The following NCK1 variants were observed in gnomAD, a reference collection of about 807,000 sequenced individuals.
NCK1 encodes the protein NCK adaptor protein 1, also known as SH2/SH3 adapter protein NCK1.
NCK1 carries 19 observed loss-of-function variants against 36.6 expected under a neutral mutation model. The ratio of observed to expected loss-of-function variants is 0.52; its 90% confidence interval spans 0.36 to 0.76. The LOEUF is 0.76. Ranked by LOEUF, NCK1 falls within the 30% of genes least tolerant of loss-of-function variation. The pLI is 0.00. For missense variants in NCK1, 358 were observed against 445.6 expected (o/e 0.80, Z 1.77); for synonymous variants, 165 against 156.0 (o/e 1.06, Z -0.43).
chr3:136,946,457 C>T (rs551500008), intron 3 of NCK1, among the ~76,000 whole-genome samples, 162 bp downstream of exon 3: 1 of 152,142 alleles, frequency 6.6e-6, no homozygotes, highest in Non-Finnish European at 1.5e-5. Flanking sequence ...CGCATTCTTT[C>T]TAGCTATCTA....
chr3:136,879,989 T>TAAAAAA (rs891612999), intron 1 of NCK1, among the ~76,000 whole-genome samples: 4 of 119,520 alleles, frequency 3.3e-5, no homozygotes, highest in Admixed American at 1.9e-4. Context: ...TAAAGAATAT[T>TAAAAAA]AAAAAAAAAA....
At chr3:136,926,286 A>ATTT (rs1205652656) in intron 1 of NCK1, among the ~76,000 whole-genome samples, 2 of 150,838 alleles carry the variant, frequency 1.3e-5, no homozygotes, top group Non-Finnish European at 3.0e-5. Context: ...TATTATTATT[A>ATTT]TTTTTTGATA....
chr3:136,862,794 G>C (rs1340963115), intron 1 of NCK1, among the ~76,000 whole-genome samples: 1 of 152,220 alleles, frequency 6.6e-6, no homozygotes, highest in Non-Finnish European at 1.5e-5. Flanking sequence ...CCTCCAGCCC[G>C]AGAGGAGGGG....
At position 136,951,257 on chromosome 3, in the gene NCK1, A is replaced by C. The variant is rs1408064769; in HGVS notation, c.*2804A>C. On this transcript the variant is annotated 3_prime_UTR_variant, in exon 4 of 4. Coordinates refer to ENST00000481752, the MANE Select transcript of NCK1 (RefSeq NM_001291999.2). ...CAGTCTCTGTAGCACGTTTGTGAGA[A>C]TTCTCTAGGCAGGCCCAGCCCTTCT... Among the ~76,000 whole-genome samples the C allele has an allele frequency of 6.6e-6, 1 of 152,202 alleles. No homozygotes were observed. The highest frequency in any genetic ancestry group is 6.5e-5 in the Admixed American group (1 of 15,282).
chr3:136,881,381 G>A (rs1439605087), intron 1 of NCK1, among the ~76,000 whole-genome samples: 4 of 151,912 alleles, frequency 2.6e-5, no homozygotes, highest in South Asian at 4.2e-4. Context: ...CACTACGCCC[G>A]GCTAATTTTT....
chr3:136,863,090 G>A (rs1217181209), intron 1 of NCK1, among the ~76,000 whole-genome samples: 7 of 152,228 alleles, frequency 4.6e-5, no homozygotes, highest in African/African-American at 1.2e-4. Flanking sequence ...TCAGGGGTGA[G>A]GACGTAACCG....
intron 2 of NCK1, among the ~76,000 whole-genome samples, chr3:136,943,702 C>CATTCGA (rs1940735184): frequency 6.6e-6 from 1 of 152,104 alleles, no homozygotes; most frequent in Non-Finnish European, 1.5e-5. Context: ...GAGACAGAAA[C>CATTCGA]GAATAAGATC....
At chr3:136,942,722 T>TTA (rs1277011057) in intron 2 of NCK1, among the ~76,000 whole-genome samples, 2 of 152,200 alleles carry the variant, frequency 1.3e-5, no homozygotes, top group Non-Finnish European at 2.9e-5. Flanking sequence ...ACACCCCTTA[T>TTA]TACCCCATGT....
chr3:136,945,168 A>G (rs1940777764), intron 2 of NCK1, among the ~76,000 whole-genome samples: 1 of 152,230 alleles, frequency 6.6e-6, no homozygotes, highest in Non-Finnish European at 1.5e-5. Flanking sequence ...ATTTTTATAC[A>G]GCTCATTGTA....
chr3:136,895,689 C>T (rs573083554), intron 1 of NCK1, among the ~76,000 whole-genome samples: 7 of 152,128 alleles, frequency 4.6e-5, no homozygotes, highest in South Asian at 2.1e-4. Context: ...CACAGCCTCC[C>T]GGGTAGCTGG....
chr3:136,870,139 C>T lies in NCK1; in HGVS notation c.-19+7786C>T, dbSNP rs916529560. Among the ~76,000 whole-genome samples the T allele has an allele frequency of 8.2e-5, 12 of 146,202 alleles. No homozygotes were observed. The South Asian group carries it at 1.5e-3, about 18-fold the overall frequency. On this transcript the variant is annotated intron_variant, in intron 1 of 3. Coordinates refer to ENST00000481752, the MANE Select transcript of NCK1 (RefSeq NM_001291999.2). ...GGTGGATCGCTTGAGGTCAGGAGTTCGAGACCAGCCTGGCCAACATGGTGA... is the reference window on the plus strand; with the variant it reads ...GGTGGATCGCTTGAGGTCAGGAGTTTGAGACCAGCCTGGCCAACATGGTGA...
chr3:136,892,271 A>C (rs1939266523), intron 1 of NCK1, among the ~76,000 whole-genome samples: 1 of 152,106 alleles, frequency 6.6e-6, no homozygotes, highest in South Asian at 2.1e-4. Context: ...ATCAGATGTG[A>C]TTTCCAAATA....
intron 1 of NCK1, among the ~76,000 whole-genome samples, chr3:136,875,043 A>AT (rs1288338274): frequency 6.6e-6 from 1 of 152,016 alleles, no homozygotes. Flanking sequence ...ATTTTTAACA[A>AT]TTTTTCTTGG....
intron 1 of NCK1, among the ~76,000 whole-genome samples, chr3:136,890,145 G>A (rs368149985): frequency 1.3e-5 from 2 of 152,176 alleles, no homozygotes; most frequent in East Asian, 1.9e-4. Context: ...CCTGCCCCAC[G>A]GGGAGGCAGC....
chr3:136,941,708 A>G (rs1292784541), intron 2 of NCK1, among the ~76,000 whole-genome samples: 2 of 81,290 alleles, frequency 2.5e-5, no homozygotes, highest in African/African-American at 7.7e-5. Context: ...GAAAAGGAGA[A>G]TTTACAAAAA....
intron 1 of NCK1, among the ~76,000 whole-genome samples, chr3:136,879,528 A>G (rs1183751095): frequency 6.6e-6 from 1 of 152,184 alleles, no homozygotes; most frequent in Non-Finnish European, 1.5e-5. Context: ...CCTCAAAAAG[A>G]TATTTTGAAT....
intron 1 of NCK1, among the ~76,000 whole-genome samples, chr3:136,904,547 T>A (rs1489463118): frequency 6.6e-6 from 1 of 152,246 alleles, no homozygotes; most frequent in Non-Finnish European, 1.5e-5. Context: ...CGTTCCTTTA[T>A]AAGTGACTAG....
intron 1 of NCK1, among the ~76,000 whole-genome samples, chr3:136,867,048 TTTTCTTTCTTTCTTTCTTTCTTTC>T (rs1157451657): frequency 3.0e-5 from 1 of 33,660 alleles, no homozygotes; most frequent in African/African-American, 9.3e-5. Flanking sequence ...TGTTGCTTGC[TTTTCTTTCTTTCTTTCTTTCTTTC>T]TTTCTTTCTT....
Position 136,874,024 on chromosome 3 carries a change from T to G in NCK1, c.-19+11671T>G, listed in dbSNP as rs374620089. On this transcript the variant is annotated intron_variant, in intron 1 of 3. Transcript: ENST00000481752. Reference sequence around the variant, plus strand: ...TAACATTGTGTTTGTGAGATTCATTTATGATGTAGAGTGCAGCAGTAGTTC... The same window carrying G: ...TAACATTGTGTTTGTGAGATTCATTGATGATGTAGAGTGCAGCAGTAGTTC... Among the ~76,000 whole-genome samples the G allele has an allele frequency of 8.9e-4, 135 of 152,348 alleles. 1 individual carries two copies. The South Asian group carries it at 0.012, about 13-fold the overall frequency.
Sources: gnomAD v4.1 joint callset for allele counts (sites outside exome capture counted in the v4.1 genomes callset) on GRCh38, gnomAD v4.1.1 for gene constraint, MANE v1.5 for transcripts, NCBI Gene and HGNC (gene_info 2026-07-23, HGNC 2026-07-21) for gene names.